ENTREP2: variants seen among roughly 807,000 people sequenced by gnomAD.
ENTREP2 encodes endosomal transmembrane epsin interactor 2.
the ENTREP2 span, chr15:29,610,426 T>C: frequency 6.6e-6 from 1 of 150,580 alleles, no homozygotes; most frequent in Non-Finnish European, 1.5e-5. Context: ...CGATGCTTCA[T>C]TCCTGTTGGT....
chr15:29,645,796 G>A, the ENTREP2 span, among the ~76,000 whole-genome samples: 655 of 152,114 alleles, frequency 4.3e-3, 10 homozygotes, highest in Middle Eastern at 0.031. Flanking sequence ...TCCTGACCTC[G>A]TGATCCGCCC....
the ENTREP2 span, among the ~76,000 whole-genome samples, chr15:29,568,297 A>C: frequency 6.6e-6 from 1 of 152,218 alleles, no homozygotes; most frequent in Non-Finnish European, 1.5e-5. Flanking sequence ...CCAAAATGTA[A>C]GCAGAGTGTG....
At chr15:29,604,426 A>G in the ENTREP2 span, among the ~76,000 whole-genome samples, 5 of 152,224 alleles carry the variant, frequency 3.3e-5, no homozygotes, top group Non-Finnish European at 7.3e-5. Flanking sequence ...TTGTATGACA[A>G]TAATTTTTGA....
chr15:29,572,012 T>C, the ENTREP2 span, among the ~76,000 whole-genome samples: 2 of 152,116 alleles, frequency 1.3e-5, no homozygotes, highest in African/African-American at 4.8e-5. Context: ...CGCTAGAGAG[T>C]GTAGTCCCAA....
chr15:29,298,097 T>C, the ENTREP2 span, among the ~76,000 whole-genome samples: 1 of 152,270 alleles, frequency 6.6e-6, no homozygotes, highest in African/African-American at 2.4e-5. Flanking sequence ...AAGCTAGGAC[T>C]ATATAACAAA....
At chr15:29,332,276 G>A in the ENTREP2 span, among the ~76,000 whole-genome samples, 145 of 152,054 alleles carry the variant, frequency 9.5e-4, 1 homozygote, top group Non-Finnish European at 1.4e-3. Context: ...TGAAATCATC[G>A]TGACCCCAGT....
At chr15:29,189,603 T>C in the ENTREP2 span, among the ~76,000 whole-genome samples, 578 of 152,216 alleles carry the variant, frequency 3.8e-3, 2 homozygotes, top group African/African-American at 0.013. Flanking sequence ...ATCTTTAACT[T>C]TGATTTGAAT....
At chr15:29,247,426 T>C in the ENTREP2 span, among the ~76,000 whole-genome samples, 1 of 152,040 alleles carries the variant, frequency 6.6e-6, no homozygotes, top group Non-Finnish European at 1.5e-5. Flanking sequence ...TTTAAAGAAA[T>C]AGATTAAAAG....
chr15:29,500,343 C>T, the ENTREP2 span, among the ~76,000 whole-genome samples: 1 of 151,802 alleles, frequency 6.6e-6, no homozygotes, highest in East Asian at 1.9e-4. Context: ...TATATTGGGC[C>T]AAAAAACAAG....
chr15:29,266,952 G>A, the ENTREP2 span: 2 of 152,210 alleles, frequency 1.3e-5, no homozygotes, highest in Admixed American at 6.5e-5. Context: ...TTATTATACA[G>A]GTGAGAATGC....
At chr15:29,468,362 G>A in the ENTREP2 span, among the ~76,000 whole-genome samples, 63,615 of 151,596 alleles carry the variant, frequency 0.42, 14,018 homozygotes, top group African/African-American at 0.57. Context: ...TGTAATCCTA[G>A]CACTTTGGGA....
chr15:29,158,942 A>T, the ENTREP2 span, among the ~76,000 whole-genome samples: 1 of 152,220 alleles, frequency 6.6e-6, no homozygotes, highest in African/African-American at 2.4e-5. Flanking sequence ...TAAGTTATGG[A>T]TATTAATAAT....
At chr15:29,570,974 C>T in the ENTREP2 span, among the ~76,000 whole-genome samples, 3 of 145,052 alleles carry the variant, frequency 2.1e-5, no homozygotes, top group African/African-American at 7.4e-5. Flanking sequence ...CGCCGCGCTG[C>T]GCCCTCCCCC....
At chr15:29,433,784 A>AGG in the ENTREP2 span, among the ~76,000 whole-genome samples, 13,883 of 105,304 alleles carry the variant, frequency 0.13, 861 homozygotes, top group East Asian at 0.31. Context: ...TCCATGGGAA[A>AGG]AAAAAAAAAA....
chr15:29,604,232 G>C, the ENTREP2 span, among the ~76,000 whole-genome samples: 1 of 152,148 alleles, frequency 6.6e-6, no homozygotes, highest in Non-Finnish European at 1.5e-5. Context: ...AAATTAAAGT[G>C]GCAATGACAT....
the ENTREP2 span, among the ~76,000 whole-genome samples, chr15:29,296,374 A>G: frequency 1.3e-5 from 2 of 152,174 alleles, no homozygotes; most frequent in Non-Finnish European, 2.9e-5. Context: ...GCTAAGAATG[A>G]ATCTACAGAA....
the ENTREP2 span, among the ~76,000 whole-genome samples, chr15:29,152,456 A>G: frequency 6.6e-6 from 1 of 152,166 alleles, no homozygotes; most frequent in Non-Finnish European, 1.5e-5. Flanking sequence ...TCCCCTGTCA[A>G]TCGCTAGTCT....
the ENTREP2 span, among the ~76,000 whole-genome samples, chr15:29,363,789 G>A: frequency 6.6e-6 from 1 of 152,176 alleles, no homozygotes; most frequent in East Asian, 1.9e-4. Context: ...CAAGAATCGA[G>A]CATTTATACT....
the ENTREP2 span, among the ~76,000 whole-genome samples, chr15:29,428,322 T>TTGAA: frequency 6.6e-6 from 1 of 152,206 alleles, no homozygotes; most frequent in Non-Finnish European, 1.5e-5. Context: ...CAAGCGATTC[T>TTGAA]CCTGCTTCAG....
Sources: gnomAD v4.1 joint callset for allele counts (sites outside exome capture counted in the v4.1 genomes callset) on GRCh38, gnomAD v4.1.1 for gene constraint, MANE v1.5 for transcripts, NCBI Gene and HGNC (gene_info 2026-07-23, HGNC 2026-07-21) for gene names.